The following MRPS18C variants were observed in gnomAD, a reference collection of about 807,000 sequenced individuals.
The protein encoded by MRPS18C is mitochondrial ribosomal protein S18C.
A neutral mutation model predicts 21.0 loss-of-function variants in MRPS18C; 21 were observed. The observed-to-expected ratio is 1.00, with a 90% CI of 0.71 to 1.44. The LOEUF (loss-of-function observed/expected upper bound fraction) is 1.44, where lower values mean the gene tolerates loss of function less well. Among genes scored for constraint, MRPS18C ranks in the 40% most tolerant of loss-of-function variants. The pLI, the probability that MRPS18C is intolerant of heterozygous loss-of-function variation, is 0.00. For missense variants in MRPS18C, 152 were observed against 171.5 expected (o/e 0.89, Z 0.64); for synonymous variants, 65 against 54.3 (o/e 1.20, Z -0.87).
In MRPS18C at chr4:83,461,695, A is replaced by G. The variant is rs1722124892; in HGVS notation, c.*498A>G. 4.1e-6 allele frequency: 1 copy of G among 245,564 alleles called. No homozygotes were observed. Among genetic ancestry groups the G allele is most frequent in the Admixed American group, 4.9e-5 (1 of 20,498 alleles). 15.2% of individuals were successfully genotyped at this position (245,564 alleles called of 1,614,324 possible). A position where few individuals can be genotyped will look rare whatever the true frequency, so the allele number is the denominator to read the frequency against. ...ATGATAGACATACATGTATATATGTATCAGTTCTGAGTTCCACTGGCCTAT... is the reference window on the plus strand; with the variant it reads ...ATGATAGACATACATGTATATATGTGTCAGTTCTGAGTTCCACTGGCCTAT... On this transcript the variant is annotated 3_prime_UTR_variant, in exon 6 of 6. Coordinates refer to ENST00000295491, the MANE Select transcript of MRPS18C (RefSeq NM_016067.4).
chr4:83,458,253 T>G (rs1721939278), intron 2 of MRPS18C, 93 bp from the exon 3 acceptor site: 2 of 887,880 alleles, frequency 2.3e-6, no homozygotes, highest in Non-Finnish European at 3.6e-6. Context: ...AAGGTATAAC[T>G]AATCCTTTGA....
At chr4:83,458,520 G>A in intron 3 of MRPS18C, 91 bp downstream of exon 3, 1 of 954,688 alleles carries the variant, frequency 1.0e-6, no homozygotes, top group East Asian at 2.7e-5. Context: ...GCAGGCTTTT[G>A]TAGAGGTAAC....
chr4:83,459,144 C>T (rs1379501668), intron 3 of MRPS18C: 1 of 48,154 alleles, frequency 2.1e-5, no homozygotes, highest in Non-Finnish European at 4.6e-5. Flanking sequence ...AAAACTCTGT[C>T]AAAAAAAAAA....
intron 3 of MRPS18C, 78 bp downstream of exon 3, chr4:83,458,507 A>T (rs760784044): frequency 2.9e-5 from 33 of 1,136,714 alleles, no homozygotes; most frequent in Non-Finnish European, 3.9e-5. Context: ...AAGTCAGTTT[A>T]TAGCAGGCTT....
intron 2 of MRPS18C, 134 bp downstream of exon 2, chr4:83,457,092 A>G (rs1437035737): frequency 9.0e-6 from 6 of 666,796 alleles, no homozygotes; most frequent in South Asian, 2.2e-5. Flanking sequence ...CCGTAGGACA[A>G]AACAATTTGA....
At position 83,461,185 on chromosome 4, in the gene MRPS18C, A is replaced by T. The variant is rs1722095793; in HGVS notation, c.417A>T (p.Arg139Ser). The T allele has an allele frequency of 3.7e-6, 6 of 1,611,750 alleles. No individual in the cohort carries two copies. The highest frequency in any genetic ancestry group is 1.3e-5 in the African/African-American group (1 of 74,854). ...AGGACCCTAAAGTTTGTAACATCAG[A>T]TATCGGGAATAAATTCTATCACGTT... Reference protein sequence around the residue: ...YLKDPKVCNIRYRE With the variant: ...YLKDPKVCNISYRE Residue 139 changes from arginine (R) to serine (S), a missense_variant, in exon 6 of 6, where the codon AGA becomes AGT. Physicochemically the swap from Arg to Ser is moderately radical, Grantham distance 110. Coordinates refer to ENST00000295491, the MANE Select transcript of MRPS18C (RefSeq NM_016067.4).
Position 83,456,093 on chromosome 4 carries a change from G to A in MRPS18C, c.16G>A (p.Ala6Thr), listed in dbSNP as rs758251265. 6 of 1,612,700 alleles carry A rather than the reference G, an allele frequency of 3.7e-6. No individual in the cohort carries two copies. In the Admixed American group the frequency reaches 6.7e-5, roughly 18 times the overall value. The change falls in exon 1 of 6, where the codon GCT (alanine) becomes ACT (threonine). Residue 6 changes from alanine to threonine, a missense_variant. Ala to Thr is a moderately conservative substitution (Grantham distance 58). This residue lies in a region of MRPS18C where 118 missense variants were observed against 104.4 expected (regional missense o/e 1.13). Transcript: ENST00000295491. MAAVV[A>T]VCGGLGRKKL... ...ACGCGGAACCATGGCCGCTGTGGTT[G>A]CTGTTTGCGGTGGTCTAGGGAGGAA...
rs1363715843 is a variant in MRPS18C, at chr4:83,459,577, A to G, written c.235-163A>G. ...TGACACACTGGATAGAAAATATTTAAAAGGTAACAGGAGGATAACAATATT... is the reference window on the plus strand; with the variant it reads ...TGACACACTGGATAGAAAATATTTAGAAGGTAACAGGAGGATAACAATATT... On this transcript the variant is annotated intron_variant, in intron 3 of 5. Transcript: ENST00000295491. 4 of 589,082 alleles carry G rather than the reference A, an allele frequency of 6.8e-6. No individual in the cohort carries two copies. The East Asian group carries it at 9.1e-5, about 13-fold the overall frequency. The allele number at this position is 589,082 out of a possible 1,614,324, so 36.5% of individuals were successfully genotyped here. A position where few individuals can be genotyped will look rare whatever the true frequency, so the allele number is the denominator to read the frequency against.
At chr4:83,458,311 C>T in intron 2 of MRPS18C, 35 bp from the exon 3 acceptor site, 3 of 1,374,216 alleles carry the variant, frequency 2.2e-6, no homozygotes, top group South Asian at 1.2e-5. Context: ...AGAATTAACA[C>T]ATCCTATTAT....
intron 1 of MRPS18C, among the ~76,000 whole-genome samples, chr4:83,456,578 C>G (rs995489383): frequency 6.6e-6 from 1 of 152,096 alleles, no homozygotes; most frequent in African/African-American, 2.4e-5. Flanking sequence ...CTGTTACTTT[C>G]TTTTTGGTAT....
chr4:83,457,228 C>G, intron 2 of MRPS18C: 1 of 296,262 alleles, frequency 3.4e-6, no homozygotes, highest in Non-Finnish European at 6.1e-6. Context: ...CTTCCTAGAT[C>G]TTAAATTTAA....
At chr4:83,457,207 A>G in intron 2 of MRPS18C, 1 of 365,088 alleles carries the variant, frequency 2.7e-6, no homozygotes, top group East Asian at 4.2e-5. Context: ...CTGCTATAAT[A>G]CCATATTTTT....
chr4:83,461,227 T>C lies in MRPS18C; in HGVS notation c.*30T>C. 3 of 1,588,412 alleles carry C rather than the reference T, an allele frequency of 1.9e-6. No individual in the cohort carries two copies. The highest frequency in any genetic ancestry group is 2.6e-6 in the Non-Finnish European group (3 of 1,158,784). On this transcript the variant is annotated 3_prime_UTR_variant, in exon 6 of 6. Coordinates refer to ENST00000295491, the MANE Select transcript of MRPS18C (RefSeq NM_016067.4). ...TATCACGTTACCACTAATAAACTTA[T>C]TTTACAGTAAGTGGTTGTATGATGC...
intron 3 of MRPS18C, chr4:83,459,167 AAGAATT>A (rs1721982143): frequency 1.3e-5 from 2 of 150,498 alleles, no homozygotes; most frequent in African/African-American, 4.9e-5. Context: ...AAAAAAAAAA[AAGAATT>A]CCATATATTG....
At chr4:83,459,852 A>G in intron 4 of MRPS18C, 55 bp downstream of exon 4, 3 of 1,423,654 alleles carry the variant, frequency 2.1e-6, no homozygotes, top group Non-Finnish European at 2.9e-6. Flanking sequence ...ATATCAATCT[A>G]TTTCTATCAT....
At chr4:83,459,596 C>T in intron 3 of MRPS18C, 144 bp from the exon 4 acceptor site, 1 of 659,762 alleles carries the variant, frequency 1.5e-6, no homozygotes. Context: ...AGGAGGATAA[C>T]AATATTTTTT....
At chr4:83,458,580 G>A (rs950145366) in intron 3 of MRPS18C, 151 bp downstream of exon 3, 3 of 530,170 alleles carry the variant, frequency 5.7e-6, no homozygotes, top group Non-Finnish European at 9.6e-6. Flanking sequence ...CTATGTATAA[G>A]CTTATCTCTG....
intron 3 of MRPS18C, chr4:83,458,649 T>G: frequency 2.4e-6 from 1 of 410,542 alleles, no homozygotes; most frequent in South Asian, 3.3e-5. Flanking sequence ...CCACTCTGTT[T>G]TTTTCACTAC....
At position 83,461,762 on chromosome 4, in the gene MRPS18C, TGATA is replaced by T; in HGVS notation, c.*569_*572del. 1 of 228,442 alleles carries T rather than the reference TGATA, an allele frequency of 4.4e-6. No homozygotes were observed. Among genetic ancestry groups the T allele is most frequent in the Non-Finnish European group, 8.7e-6 (1 of 115,156 alleles). The allele number at this position is 228,442 out of a possible 1,614,324, so 14.2% of individuals were successfully genotyped here. ...TACCAGGCTTGTACTGTATTCAAAATGATAGATTTGCTAAATTTCATGCAAAGGA... is the reference window on the plus strand; with the variant it reads ...TACCAGGCTTGTACTGTATTCAAAATGATTTGCTAAATTTCATGCAAAGGA... On this transcript the variant is annotated 3_prime_UTR_variant, in exon 6 of 6. Transcript: ENST00000295491.
Sources: gnomAD v4.1 joint callset for allele counts (sites outside exome capture counted in the v4.1 genomes callset) on GRCh38, gnomAD v4.1.1 for gene constraint, gnomAD v4.1.1 regional missense constraint, MANE v1.5 for transcripts, NCBI Gene and HGNC (gene_info 2026-07-23, HGNC 2026-07-21) for gene names.